The following GAB2 variants were observed in gnomAD, a reference collection of about 807,000 sequenced individuals.
GAB2 encodes GRB2 associated binding protein 2, also known as GRB2-associated-binding protein 2.
GAB2 carries 26 observed loss-of-function variants against 65.5 expected under a neutral mutation model. The observed-to-expected ratio is 0.40, with a 90% CI of 0.29 to 0.55. The LOEUF (loss-of-function observed/expected upper bound fraction) is 0.55, where lower values mean the gene tolerates loss of function less well. GAB2 is among the 20% of genes least tolerant of loss of function. The probability of loss-of-function intolerance (pLI) is 0.53; values close to 1 mark genes in which losing one functional copy is unlikely to be tolerated. For missense variants in GAB2, 884 were observed against 875.8 expected (o/e 1.01, Z -0.12); for synonymous variants, 321 against 329.6 (o/e 0.97, Z 0.28).
At chr11:78,312,136 T>C (rs1244140851) in intron 1 of GAB2, among the ~76,000 whole-genome samples, 1 of 150,912 alleles carries the variant, frequency 6.6e-6, no homozygotes, top group African/African-American at 2.4e-5. Context: ...ACCAACTGAA[T>C]GTTCCTGGTG....
chr11:78,229,059 G>A (rs1035644562), intron 3 of GAB2, among the ~76,000 whole-genome samples: 1 of 152,184 alleles, frequency 6.6e-6, no homozygotes, highest in Non-Finnish European at 1.5e-5. Flanking sequence ...GTCACAGTAG[G>A]GCAGGAGATG....
chr11:78,344,726 T>C (rs891951650), intron 1 of GAB2, among the ~76,000 whole-genome samples: 2 of 152,242 alleles, frequency 1.3e-5, no homozygotes, highest in African/African-American at 2.4e-5. Flanking sequence ...AATTAATTCC[T>C]TCATCTTACT....
intron 1 of GAB2, among the ~76,000 whole-genome samples, chr11:78,320,489 A>G (rs1473025510): frequency 1.3e-5 from 2 of 152,222 alleles, no homozygotes; most frequent in South Asian, 2.1e-4. Context: ...ACAACAGAAA[A>G]GAGGAGTGCT....
chr11:78,252,430 T>C (rs1252831012), intron 2 of GAB2, among the ~76,000 whole-genome samples: 1 of 152,188 alleles, frequency 6.6e-6, no homozygotes, highest in Non-Finnish European at 1.5e-5. Flanking sequence ...GTTTACATTA[T>C]GGGACAGAGT....
intron 1 of GAB2, among the ~76,000 whole-genome samples, chr11:78,336,362 A>C (rs1210557619): frequency 5.9e-5 from 7 of 119,412 alleles, no homozygotes; most frequent in East Asian, 2.5e-4. Flanking sequence ...AAAAAAAAAA[A>C]CACAACAAGA....
rs1855302616 is a variant in GAB2 at position 78,304,301 on chromosome 11, C to A, written c.76-23400G>T. Reference sequence around the variant, plus strand: ...AAGATTATGCAAACATCACCATTATCTAATTCCAGAACATTTGCATCACCC... The same window carrying A: ...AAGATTATGCAAACATCACCATTATATAATTCCAGAACATTTGCATCACCC... On this transcript the variant is annotated intron_variant, in intron 1 of 9. Transcript: ENST00000361507. 2.0e-5 allele frequency among the ~76,000 whole-genome samples: 3 copies of A among 152,248 alleles called. No homozygotes were observed. In the South Asian group the frequency reaches 6.2e-4, roughly 32 times the overall value.
intron 2 of GAB2, among the ~76,000 whole-genome samples, chr11:78,261,295 C>G (rs1361786735): frequency 6.6e-6 from 1 of 151,978 alleles, no homozygotes; most frequent in Admixed American, 6.6e-5. Flanking sequence ...CTCAACAAAA[C>G]CAAAACAAAA....
rs755597338 is a variant in GAB2 at position 78,223,454 on chromosome 11, G to C, written c.1525C>G (p.Gln509Glu). 1.3e-6 allele frequency: 2 copies of C among 1,583,980 alleles called. No homozygotes were observed. Among genetic ancestry groups the C allele is most frequent in the Non-Finnish European group, 1.7e-6 (2 of 1,163,554 alleles). ...HRGPSRGSEI[Q>E]PPPVNRNLKP... is the part of the protein sequence containing the mutation. ...AGGTTGCGGTTGACAGGGGGTGGCT[G>C]AATCTCACTTCCTCTGCTGGGGCCT... The change falls in exon 6 of 10, where the codon CAG becomes GAG. Residue 509 changes from glutamine (Q) to glutamate (E), a missense_variant. Coordinates refer to ENST00000361507, the MANE Select transcript of GAB2 (RefSeq NM_080491.3).
rs576017066 is a variant in GAB2, at chr11:78,382,390, T to C, written c.75+35256A>G. 3.4e-4 allele frequency among the ~76,000 whole-genome samples: 52 copies of C among 151,860 alleles called. 1 individual carries two copies. The East Asian group carries it at 9.3e-3, about 27-fold the overall frequency. On this transcript the variant is annotated intron_variant, in intron 1 of 9. Transcript: ENST00000361507. ...ATTCTTTTTTTTATTATTATTTTTT[T>C]TTTTTTGAGACAGAGTCTCGCTCTG...
chr11:78,400,839 G>A (rs144676898), intron 1 of GAB2, among the ~76,000 whole-genome samples: 4 of 132,382 alleles, frequency 3.0e-5, no homozygotes, highest in African/African-American at 8.2e-5. Context: ...AGGAGGCGGA[G>A]ACTGCAGCAA....
chr11:78,349,668 G>A (rs1302424484), intron 1 of GAB2, among the ~76,000 whole-genome samples: 1 of 152,154 alleles, frequency 6.6e-6, no homozygotes, highest in African/African-American at 2.4e-5. Flanking sequence ...TCAAGTCAGG[G>A]AGTTTTTTTT....
At chr11:78,342,646 G>A (rs1856118276) in intron 1 of GAB2, among the ~76,000 whole-genome samples, 1 of 152,090 alleles carries the variant, frequency 6.6e-6, no homozygotes, top group Non-Finnish European at 1.5e-5. Flanking sequence ...CTGACCTCGT[G>A]ATCCGCCGGC....
intron 1 of GAB2, among the ~76,000 whole-genome samples, chr11:78,415,857 G>A (rs1350379257): frequency 1.3e-5 from 2 of 151,874 alleles, no homozygotes; most frequent in African/African-American, 4.8e-5. Context: ...TAGATACAGT[G>A]TCATACTGTT....
In GAB2 at chr11:78,280,833, G is replaced by A. The variant is rs201222314; in HGVS notation, c.144C>T (p.Tyr48=). The A allele has an allele frequency of 7.4e-6, 12 of 1,613,746 alleles. No individual in the cohort carries two copies. The highest frequency in any genetic ancestry group is 3.3e-5 in the Admixed American group (2 of 59,996). The part of the protein sequence containing the change: ...RMSGDPDVLE[Y]YKNDHSKKPL... Reference sequence around the variant, plus strand: ...GCTTCTTGGAGTGATCGTTCTTGTAGTATTCCAGAACATCTGGGTCACCGC... The same window carrying A: ...GCTTCTTGGAGTGATCGTTCTTGTAATATTCCAGAACATCTGGGTCACCGC... Residue 48 remains tyrosine, a synonymous_variant, in exon 2 of 10, where the codon TAC becomes TAT. Coordinates refer to ENST00000361507, the MANE Select transcript of GAB2 (RefSeq NM_080491.3).
At chr11:78,315,590 T>C (rs956010536) in intron 1 of GAB2, among the ~76,000 whole-genome samples, 1 of 152,184 alleles carries the variant, frequency 6.6e-6, no homozygotes, top group African/African-American at 2.4e-5. Context: ...GAAAAAATGT[T>C]TCATGACAAT....
intron 1 of GAB2, among the ~76,000 whole-genome samples, chr11:78,332,615 A>T (rs1288557398): frequency 6.6e-6 from 1 of 152,240 alleles, no homozygotes; most frequent in Non-Finnish European, 1.5e-5. Context: ...CTCACAACTT[A>T]AGTAAGAGTC....
Position 78,232,716 on chromosome 11 carries a change from G to T in GAB2, c.621-5665C>A, listed in dbSNP as rs79404481. Among the ~76,000 whole-genome samples the T allele has an allele frequency of 3.0e-4, 46 of 152,226 alleles. No homozygotes were observed. The East Asian group carries it at 8.9e-3, about 29-fold the overall frequency. On this transcript the variant is annotated intron_variant, in intron 3 of 9. Transcript: ENST00000361507. ...TTATTTCTAAGGTGCTTAATTTACTGTATCTTTACAATCAGGTTCCCACAT... is the reference window on the plus strand; with the variant it reads ...TTATTTCTAAGGTGCTTAATTTACTTTATCTTTACAATCAGGTTCCCACAT...
At chr11:78,364,985 AT>A (rs1011010815) in intron 1 of GAB2, among the ~76,000 whole-genome samples, 3 of 151,868 alleles carry the variant, frequency 2.0e-5, no homozygotes, top group African/African-American at 7.3e-5. Context: ...GGCTGCAGTC[AT>A]TTTTTTTATT....
chr11:78,397,529 A>G (rs1038138795), intron 1 of GAB2, among the ~76,000 whole-genome samples: 10 of 152,248 alleles, frequency 6.6e-5, no homozygotes, highest in Admixed American at 1.3e-4. Context: ...AGACTGCCAC[A>G]AGGTGGCAAG....
Sources: allele counts gnomAD v4.1 joint callset (sites outside exome capture counted in the v4.1 genomes callset), GRCh38; gene constraint gnomAD v4.1.1; transcripts MANE v1.5; gene names NCBI Gene and HGNC (gene_info 2026-07-23, HGNC 2026-07-21).